MAPRE2: variants seen among roughly 807,000 people sequenced by gnomAD.
MAPRE2 encodes microtubule-associated protein RP/EB family member 2.
A neutral mutation model predicts 43.2 loss-of-function variants in MAPRE2; 13 were observed. The ratio of observed to expected loss-of-function variants is 0.30; its 90% CI spans 0.20 to 0.48. The LOEUF is 0.48. Among genes scored for constraint, MAPRE2 ranks in the 20% least tolerant of loss-of-function variants. The probability of loss-of-function intolerance (pLI) is 0.99; values close to 1 mark genes in which losing one functional copy is unlikely to be tolerated. For missense variants in MAPRE2, 161 were observed against 400.2 expected (o/e 0.40, Z 5.10); for synonymous variants, 135 against 148.8 (o/e 0.91, Z 0.68).
chr18:35,078,303 T>A (rs1907469429), intron 2 of MAPRE2, among the ~76,000 whole-genome samples: 1 of 152,194 alleles, frequency 6.6e-6, no homozygotes, highest in Non-Finnish European at 1.5e-5. Flanking sequence ...TGGAGATTCA[T>A]GTTTTGCATC....
intron 1 of MAPRE2, among the ~76,000 whole-genome samples, chr18:34,999,814 T>C (rs2097028410): frequency 6.6e-6 from 1 of 152,160 alleles, no homozygotes; most frequent in African/African-American, 2.4e-5. Context: ...GGTTTCCCTG[T>C]TGTGTGCTCA....
intron 1 of MAPRE2, among the ~76,000 whole-genome samples, chr18:35,067,132 A>G (rs1603397013): frequency 6.6e-6 from 1 of 152,204 alleles, no homozygotes; most frequent in African/African-American, 2.4e-5. Context: ...TGAGGACTAC[A>G]GCTGTGTTGG....
intron 4 of MAPRE2, among the ~76,000 whole-genome samples, chr18:35,116,253 C>G (rs1909406535): frequency 1.3e-5 from 2 of 152,278 alleles, no homozygotes; most frequent in South Asian, 4.1e-4. Context: ...GGCAGAAAGA[C>G]AAGGATGCTG....
Position 35,140,462 on chromosome 18 carries a change from A to G in MAPRE2, c.*93A>G. On this transcript the variant is annotated 3_prime_UTR_variant, in exon 7 of 7. Coordinates refer to ENST00000300249, the MANE Select transcript of MAPRE2 (RefSeq NM_014268.4). ...TGTGGCCCCAAGCTCAACAGAAACC[A>G]GTTGTTCCCAATCTGCCGTTACCAT... The G allele has an allele frequency of 8.2e-7, 1 of 1,224,816 alleles. No homozygotes were observed. Among genetic ancestry groups the G allele is most frequent in the South Asian group, 1.4e-5 (1 of 72,724 alleles). The allele number at this position is 1,224,816 out of a possible 1,614,324, so 75.9% of individuals were successfully genotyped here.
chr18:35,025,581 A>G (rs573926887), intron 2 of MAPRE2, among the ~76,000 whole-genome samples: 2 of 152,204 alleles, frequency 1.3e-5, no homozygotes, highest in Non-Finnish European at 2.9e-5. Context: ...TCTTCACCCT[A>G]GGAGGACAGG....
At chr18:35,107,828 G>T (rs1234886109) in intron 4 of MAPRE2, among the ~76,000 whole-genome samples, 2 of 151,984 alleles carry the variant, frequency 1.3e-5, no homozygotes, top group African/African-American at 4.8e-5. Context: ...TTGTTGTCCA[G>T]TTCTAACATT....
At chr18:35,081,057 T>C (rs1334073097) in intron 2 of MAPRE2, among the ~76,000 whole-genome samples, 1 of 152,258 alleles carries the variant, frequency 6.6e-6, no homozygotes. Context: ...TCTTCTAGAT[T>C]ACATTTGTAT....
At chr18:35,057,106 C>G (rs781586281) in intron 1 of MAPRE2, among the ~76,000 whole-genome samples, 39 of 152,186 alleles carry the variant, frequency 2.6e-4, no homozygotes, top group African/African-American at 2.4e-4. Flanking sequence ...CCTCCGCCCC[C>G]CTGGTTCAAG....
At chr18:35,077,740 A>C (rs1228662962) in intron 2 of MAPRE2, among the ~76,000 whole-genome samples, 1 of 152,154 alleles carries the variant, frequency 6.6e-6, no homozygotes, top group Non-Finnish European at 1.5e-5. Context: ...ATAATTCATA[A>C]TTCTAATTAC....
intron 1 of MAPRE2, among the ~76,000 whole-genome samples, chr18:34,982,175 G>A (rs1156724139): frequency 1.3e-5 from 2 of 152,002 alleles, no homozygotes; most frequent in East Asian, 1.9e-4. Flanking sequence ...GAGTCACTGC[G>A]CCCGGCCAAC....
intron 4 of MAPRE2, among the ~76,000 whole-genome samples, chr18:35,111,149 C>T (rs1215651192): frequency 2.0e-5 from 3 of 152,126 alleles, no homozygotes; most frequent in Non-Finnish European, 4.4e-5. Context: ...TATTTTCTCT[C>T]TTCTTTAGAT....
At chr18:35,052,804 T>C (rs1408517244) in intron 1 of MAPRE2, among the ~76,000 whole-genome samples, 1 of 152,224 alleles carries the variant, frequency 6.6e-6, no homozygotes, top group African/African-American at 2.4e-5. Flanking sequence ...ATTTTCATGA[T>C]GACTAATGAT....
At chr18:35,103,458 A>T (rs1164133624) in intron 4 of MAPRE2, among the ~76,000 whole-genome samples, 1 of 152,214 alleles carries the variant, frequency 6.6e-6, no homozygotes, top group Admixed American at 6.5e-5. Context: ...GTTTGTTTTG[A>T]ACATACTAAG....
intron 2 of MAPRE2, among the ~76,000 whole-genome samples, chr18:35,095,401 C>CAT (rs1555917896): frequency 2.6e-5 from 3 of 115,446 alleles, no homozygotes; most frequent in South Asian, 2.9e-4. Context: ...CACACACACA[C>CAT]GCACACACAC....
At chr18:35,016,848 C>T (rs183343552) in intron 2 of MAPRE2, among the ~76,000 whole-genome samples, 4 of 151,964 alleles carry the variant, frequency 2.6e-5, no homozygotes, top group East Asian at 3.9e-4. Flanking sequence ...TTGCATTTGA[C>T]TTTAAGAATT....
chr18:35,106,252 A>G (rs1908898566), intron 4 of MAPRE2, among the ~76,000 whole-genome samples: 1 of 151,870 alleles, frequency 6.6e-6, no homozygotes, highest in Non-Finnish European at 1.5e-5. Context: ...AAAACAGGTG[A>G]TAGTCCTTAA....
chr18:35,130,234 G>T (rs1304776292), intron 5 of MAPRE2, among the ~76,000 whole-genome samples: 1 of 152,124 alleles, frequency 6.6e-6, no homozygotes, highest in African/African-American at 2.4e-5. Flanking sequence ...GTCCAAACCT[G>T]GGGAGAGGTT....
chr18:34,983,763 G>A (rs2097017586), intron 1 of MAPRE2, among the ~76,000 whole-genome samples: 1 of 152,114 alleles, frequency 6.6e-6, no homozygotes, highest in Non-Finnish European at 1.5e-5. Context: ...CCAAGTAGCT[G>A]GGATTACAGG....
intron 1 of MAPRE2, 33 bp from the exon 2 acceptor site, chr18:35,070,162 C>G: frequency 6.4e-7 from 1 of 1,559,830 alleles, no homozygotes; most frequent in Middle Eastern, 1.7e-4. Flanking sequence ...AGTTAATTTC[C>G]TTGTTGTTAA....
Sources: gnomAD v4.1 joint callset for allele counts (sites outside exome capture counted in the v4.1 genomes callset) on GRCh38, gnomAD v4.1.1 for gene constraint, MANE v1.5 for transcripts, NCBI Gene and HGNC (gene_info 2026-07-23, HGNC 2026-07-21) for gene names.